MET: variants seen among roughly 807,000 people sequenced by gnomAD.
MET encodes the protein hepatocyte growth factor receptor.
A neutral mutation model predicts 133.1 loss-of-function variants in MET; 48 were observed. The observed-to-expected ratio is 0.36, with a 90% CI of 0.29 to 0.46. The LOEUF is 0.46. Among genes scored for constraint, MET ranks in the 20% least tolerant of loss-of-function variants. The pLI is 1.00. For missense variants in MET, 1,442 were observed against 1,695.9 expected (o/e 0.85, Z 2.63); for synonymous variants, 628 against 616.5 (o/e 1.02, Z -0.28).
intron 1 of MET, among the ~76,000 whole-genome samples, chr7:116,675,414 T>C (rs1796120684): frequency 6.6e-6 from 1 of 152,212 alleles, no homozygotes; most frequent in Non-Finnish European, 1.5e-5. Flanking sequence ...TGCTATGAAA[T>C]AATAGAATTT....
intron 2 of MET, among the ~76,000 whole-genome samples, chr7:116,716,322 AG>A (rs1469256390): frequency 4.2e-5 from 6 of 142,738 alleles, no homozygotes; most frequent in African/African-American, 1.3e-4. Flanking sequence ...AGAGAGAGAG[AG>A]AGAGAGAGAG....
At chr7:116,768,340 C>T (rs1229954521) in intron 11 of MET, among the ~76,000 whole-genome samples, 1 of 152,170 alleles carries the variant, frequency 6.6e-6, no homozygotes, top group Non-Finnish European at 1.5e-5. Context: ...TGAATTCCCT[C>T]CAATATGTGG....
chr7:116,755,041 A>AAAGAAAGAAAGAAAGAAAGAAAAG (rs879471092), intron 5 of MET, among the ~76,000 whole-genome samples: 1 of 37,344 alleles, frequency 2.7e-5, no homozygotes, highest in Non-Finnish European at 6.5e-5. Context: ...AGAAAGAAAG[A>AAAGAAAGAAAGAAAGAAAGAAAAG]AAAGAAAGAA....
In MET at chr7:116,724,254, G is replaced by A. The variant is rs568853289; in HGVS notation, c.1201-7414G>A. ...GGGAGTGACCCGATTTTCCAGGTGCGTCTGTCACCCCTTTCTTTGATCCCT... is the reference window on the plus strand; with the variant it reads ...GGGAGTGACCCGATTTTCCAGGTGCATCTGTCACCCCTTTCTTTGATCCCT... On this transcript the variant is annotated intron_variant, in intron 2 of 20. Transcript: ENST00000397752. 1.4e-4 allele frequency: 23 copies of A among 169,804 alleles called. No individual in the cohort carries two copies. The East Asian group carries it at 2.2e-3, about 16-fold the overall frequency. 10.5% of individuals were successfully genotyped at this position (169,804 alleles called of 1,614,324 possible). A position where few individuals can be genotyped will look rare whatever the true frequency, so the allele number is the denominator to read the frequency against.
At chr7:116,692,243 A>C (rs1265133807) in intron 1 of MET, among the ~76,000 whole-genome samples, 2 of 152,218 alleles carry the variant, frequency 1.3e-5, no homozygotes, top group Admixed American at 1.3e-4. Context: ...CATGATTAGA[A>C]GAGATGATGG....
intron 2 of MET, among the ~76,000 whole-genome samples, chr7:116,721,364 G>T (rs1792476974): frequency 6.6e-6 from 1 of 151,998 alleles, no homozygotes. Context: ...GTGTCTATTT[G>T]ATTCTTCTCT....
At chr7:116,723,880 C>T (rs1792611829) in intron 2 of MET, among the ~76,000 whole-genome samples, 1 of 152,250 alleles carries the variant, frequency 6.6e-6, no homozygotes, top group South Asian at 2.1e-4. Context: ...CCACTGCTCT[C>T]TTCAAAGCTG....
intron 2 of MET, among the ~76,000 whole-genome samples, chr7:116,713,382 G>A (rs1301537010): frequency 2.7e-5 from 4 of 148,290 alleles, no homozygotes; most frequent in South Asian, 2.1e-4. Flanking sequence ...GCGACAGAGC[G>A]AGACTCCGTC....
At chr7:116,751,844 G>A (rs1032592106) in intron 5 of MET, among the ~76,000 whole-genome samples, 4 of 152,056 alleles carry the variant, frequency 2.6e-5, no homozygotes, top group Non-Finnish European at 4.4e-5. Flanking sequence ...GGCAGATCAC[G>A]AGGTCAGGAG....
Position 116,699,439 on chromosome 7 carries a change from G to A in MET, c.355G>A (p.Ala119Thr), listed in dbSNP as rs766874293. 6.2e-7 allele frequency: 1 copy of A among 1,614,016 alleles called. No individual in the cohort carries two copies. Among genetic ancestry groups the A allele is most frequent in the East Asian group, 2.2e-5 (1 of 44,886 alleles). ...TGTTTGGAAAGATAACATCAACATG[G>A]CTCTAGTTGTCGACACCTACTATGA... Reference protein sequence around the residue: ...GGVWKDNINMALVVDTYYDDQ... With the variant: ...GGVWKDNINMTLVVDTYYDDQ... Residue 119 changes from alanine (A) to threonine (T), a missense_variant, in exon 2 of 21, where the codon GCT (alanine) becomes ACT (threonine). Physicochemically the swap from Ala to Thr is moderately conservative, Grantham distance 58. This residue lies in a region of MET where 762 missense variants were observed against 792.4 expected (regional missense o/e 0.96). Transcript: ENST00000397752.
chr7:116,766,966 T>C (rs990017039), intron 11 of MET, among the ~76,000 whole-genome samples: 3 of 152,120 alleles, frequency 2.0e-5, no homozygotes, highest in African/African-American at 7.2e-5. Flanking sequence ...TCTGTGAGGT[T>C]CGTTGCTTGG....
At chr7:116,741,610 G>T (rs946441846) in intron 5 of MET, among the ~76,000 whole-genome samples, 1 of 152,148 alleles carries the variant, frequency 6.6e-6, no homozygotes, top group Admixed American at 6.6e-5. Context: ...TGAGACTGAA[G>T]ATTATTTCCC....
At chr7:116,792,491 A>ACACACACACACC in intron 19 of MET, among the ~76,000 whole-genome samples, 1 of 141,234 alleles carries the variant, frequency 7.1e-6, no homozygotes, top group African/African-American at 2.7e-5. Flanking sequence ...ACACACACAC[A>ACACACACACACC]CACACACACA....
Position 116,754,526 on chromosome 7 carries a change from A to AT in MET, c.1702-828dup, listed in dbSNP as rs538126385. 4.3e-4 allele frequency among the ~76,000 whole-genome samples: 65 copies of AT among 152,238 alleles called. 1 individual carries two copies. The highest frequency in any genetic ancestry group is 1.5e-3 in the African/African-American group (63 of 41,544). On this transcript the variant is annotated intron_variant, in intron 5 of 20. Transcript: ENST00000397752. The stretch of plus-strand genomic sequence containing the variant: ...CCCTAGAAGATGAATTCACTTCAGA[A>AT]TGGCCCAAAAAGGGCCAGGTCCAAT...
chr7:116,683,724 A>G (rs1388947864), intron 1 of MET, among the ~76,000 whole-genome samples: 3 of 152,206 alleles, frequency 2.0e-5, no homozygotes, highest in African/African-American at 7.2e-5. Flanking sequence ...TCTGATGGAC[A>G]CTGGTTTTTA....
At chr7:116,763,420 A>T in intron 11 of MET, 152 bp downstream of exon 11, 1 of 739,124 alleles carries the variant, frequency 1.4e-6, no homozygotes, top group Non-Finnish European at 2.3e-6. Flanking sequence ...TTGGCATAAA[A>T]CTAAAAGATA....
intron 17 of MET, 92 bp from the exon 18 acceptor site, chr7:116,781,896 A>G (rs1795165484): frequency 1.1e-6 from 1 of 879,090 alleles, no homozygotes; most frequent in Non-Finnish European, 1.8e-6. Context: ...GAGACAAGAT[A>G]ATTTTTTATA....
intron 1 of MET, among the ~76,000 whole-genome samples, chr7:116,697,014 G>C (rs1210643427): frequency 1.3e-5 from 2 of 152,104 alleles, no homozygotes; most frequent in East Asian, 3.9e-4. Flanking sequence ...CTGCTTCCTG[G>C]TGAATAATGT....
chr7:116,777,356 C>T (rs375461370), intron 15 of MET, 33 bp from the exon 16 acceptor site: 8 of 1,518,588 alleles, frequency 5.3e-6, no homozygotes, highest in East Asian at 2.3e-5. Context: ...TTAAATGTTA[C>T]GCAGTGCTAA....
Sources: allele counts gnomAD v4.1 joint callset (sites outside exome capture counted in the v4.1 genomes callset), GRCh38; gene constraint gnomAD v4.1.1; regional missense constraint gnomAD v4.1.1; transcripts MANE v1.5; gene names NCBI Gene and HGNC (gene_info 2026-07-23, HGNC 2026-07-21).